Variants in ZMAT4 observed in about 807,000 individuals in gnomAD.
ZMAT4 encodes the protein zinc finger matrin-type 4.
Under a neutral mutation model 28.7 loss-of-function variants are expected in ZMAT4, and 17 were observed. The observed-to-expected ratio is 0.59, with a 90% CI of 0.41 to 0.89. ZMAT4 has a LOEUF of 0.89. ZMAT4 is among the 40% of genes least tolerant of loss of function. The probability of loss-of-function intolerance (pLI) is 0.00; values close to 1 mark genes in which losing one functional copy is unlikely to be tolerated. For missense variants in ZMAT4, 240 were observed against 283.8 expected, an observed-to-expected ratio of 0.85 and a Z score of 1.11; for synonymous variants, 117 against 109.2, an observed-to-expected ratio of 1.07 and a Z score of -0.44.
At position 40,647,597 on chromosome 8, in the gene ZMAT4, C is replaced by A. The variant is rs575362009; in HGVS notation, c.577+27107G>T. Among the ~76,000 whole-genome samples the A allele has an allele frequency of 1.1e-4, 16 of 152,308 alleles. No individual in the cohort carries two copies. In the South Asian group the frequency reaches 2.3e-3, roughly 22 times the overall value. The stretch of plus-strand genomic sequence containing the variant: ...CCACAGCTCAAGGAGGCCTGCCTGT[C>A]TCTGTAGGCTCCACCTCTGGGGGCA... On this transcript the variant is annotated intron_variant, in intron 5 of 6. Coordinates refer to ENST00000297737, the MANE Select transcript of ZMAT4 (RefSeq NM_024645.3).
chr8:40,585,611 G>A (rs1394265978), intron 5 of ZMAT4, among the ~76,000 whole-genome samples: 1 of 151,968 alleles, frequency 6.6e-6, no homozygotes, highest in Non-Finnish European at 1.5e-5. Flanking sequence ...CCATAAAAAA[G>A]TGCTATAGTT....
At chr8:40,722,806 T>G (rs1585940820) in intron 3 of ZMAT4, among the ~76,000 whole-genome samples, 1 of 152,034 alleles carries the variant, frequency 6.6e-6, no homozygotes, top group Non-Finnish European at 1.5e-5. Context: ...GAGACAGAGG[T>G]GGAATCAGAC....
chr8:40,610,087 A>T (rs1207533553), intron 5 of ZMAT4, among the ~76,000 whole-genome samples: 3 of 152,254 alleles, frequency 2.0e-5, no homozygotes, highest in Non-Finnish European at 2.9e-5. Flanking sequence ...TCAATAATAT[A>T]AACAAATAAA....
At chr8:40,628,065 T>G (rs1251454593) in intron 5 of ZMAT4, among the ~76,000 whole-genome samples, 4 of 152,196 alleles carry the variant, frequency 2.6e-5, no homozygotes, top group African/African-American at 7.2e-5. Flanking sequence ...TAGAGTCTAA[T>G]TTAAGAGTTA....
chr8:40,536,314 G>A (rs2118358255), intron 6 of ZMAT4, among the ~76,000 whole-genome samples: 1 of 152,158 alleles, frequency 6.6e-6, no homozygotes, highest in South Asian at 2.1e-4. Flanking sequence ...CATTTCCTCT[G>A]CATCCCCTGC....
chr8:40,601,634 G>GAAGGAAAGAAAGAGAA (rs1475549047), intron 5 of ZMAT4, among the ~76,000 whole-genome samples: 3 of 26,862 alleles, frequency 1.1e-4, no homozygotes, highest in African/African-American at 2.9e-4. Flanking sequence ...AAGAAAGAAA[G>GAAGGAAAGAAAGAGAA]AGAAAGAAAG....
At chr8:40,838,306 G>A (rs776083901) in intron 1 of ZMAT4, among the ~76,000 whole-genome samples, 22 of 152,170 alleles carry the variant, frequency 1.4e-4, no homozygotes, top group Non-Finnish European at 2.1e-4. Flanking sequence ...GGGAAAGCAC[G>A]GAAGCATCAC....
intron 6 of ZMAT4, 107 bp from the exon 7 acceptor site, chr8:40,532,345 T>G: frequency 1.1e-6 from 1 of 889,740 alleles, no homozygotes; most frequent in Non-Finnish European, 1.6e-6. Flanking sequence ...CATATTACCT[T>G]AACCATCAAA....
At chr8:40,850,147 C>G in intron 1 of ZMAT4, among the ~76,000 whole-genome samples, 1 of 152,182 alleles carries the variant, frequency 6.6e-6, no homozygotes, top group East Asian at 1.9e-4. Flanking sequence ...CTGCCTTCAT[C>G]CAGACATCTC....
At chr8:40,618,148 C>A (rs1173597096) in intron 5 of ZMAT4, among the ~76,000 whole-genome samples, 1 of 152,138 alleles carries the variant, frequency 6.6e-6, no homozygotes, top group East Asian at 1.9e-4. Context: ...GGTAACCAAC[C>A]CTAGGAAGAG....
At chr8:40,843,211 A>G (rs1471588695) in intron 1 of ZMAT4, among the ~76,000 whole-genome samples, 2 of 152,232 alleles carry the variant, frequency 1.3e-5, no homozygotes, top group African/African-American at 4.8e-5. Flanking sequence ...AAACTGTATC[A>G]AAGTCTCTCA....
intron 5 of ZMAT4, among the ~76,000 whole-genome samples, chr8:40,623,047 T>C (rs1200072585): frequency 6.6e-6 from 1 of 152,224 alleles, no homozygotes; most frequent in African/African-American, 2.4e-5. Context: ...AGAGTCTGTA[T>C]TAAGTACTGG....
Position 40,661,743 on chromosome 8 carries a change from C to G in ZMAT4, c.577+12961G>C, listed in dbSNP as rs1412918099. Among the ~76,000 whole-genome samples, 5 of 152,298 alleles carry G rather than the reference C, an allele frequency of 3.3e-5. No individual in the cohort carries two copies. In the South Asian group the frequency reaches 1.0e-3, roughly 32 times the overall value. On this transcript the variant is annotated intron_variant, in intron 5 of 6. Coordinates refer to ENST00000297737, the MANE Select transcript of ZMAT4 (RefSeq NM_024645.3). ...AAAAAAGCCCACAGCTTTTCAGAGG[C>G]AGCATAATGGATACGTCTTCCTAGA... is the stretch of plus-strand genomic sequence containing the variant.
intron 5 of ZMAT4, among the ~76,000 whole-genome samples, chr8:40,665,276 T>TTCTGCTTA (rs1808363524): frequency 6.6e-6 from 1 of 152,078 alleles, no homozygotes; most frequent in Non-Finnish European, 1.5e-5. Flanking sequence ...AACCACCAGG[T>TTCTGCTTA]TCTGCTTATC....
chr8:40,662,521 C>A (rs1808245892), intron 5 of ZMAT4, among the ~76,000 whole-genome samples: 1 of 152,152 alleles, frequency 6.6e-6, no homozygotes, highest in Admixed American at 6.5e-5. Context: ...GCCAAGCTCT[C>A]ATCTCTTTTG....
At chr8:40,597,264 G>A (rs940711248) in intron 5 of ZMAT4, among the ~76,000 whole-genome samples, 2 of 152,194 alleles carry the variant, frequency 1.3e-5, no homozygotes, top group African/African-American at 4.8e-5. Context: ...GCCACTTGAT[G>A]ACTTTGGCTT....
chr8:40,773,615 T>G (rs1813476299), intron 2 of ZMAT4, among the ~76,000 whole-genome samples: 1 of 152,202 alleles, frequency 6.6e-6, no homozygotes, highest in Non-Finnish European at 1.5e-5. Context: ...AAGTTTTAAA[T>G]GGCACTTTTT....
At chr8:40,585,325 GAAACCTA>G (rs1804630792) in intron 5 of ZMAT4, among the ~76,000 whole-genome samples, 13 of 152,200 alleles carry the variant, frequency 8.5e-5, no homozygotes, top group South Asian at 4.2e-4. Context: ...GACAAATCTT[GAAACCTA>G]TTTTCTCAAG....
At chr8:40,861,108 A>C (rs1817472744) in intron 1 of ZMAT4, among the ~76,000 whole-genome samples, 1 of 152,210 alleles carries the variant, frequency 6.6e-6, no homozygotes, top group Non-Finnish European at 1.5e-5. Context: ...TTAATAGTTC[A>C]TGCTTCCTCC....
Sources: allele counts gnomAD v4.1 joint callset (sites outside exome capture counted in the v4.1 genomes callset), GRCh38; gene constraint gnomAD v4.1.1; transcripts MANE v1.5; gene names NCBI Gene and HGNC (gene_info 2026-07-23, HGNC 2026-07-21).